KAZN: variants seen among roughly 807,000 people sequenced by gnomAD.
KAZN encodes kazrin, periplakin interacting protein.
KAZN carries 40 observed loss-of-function variants against 87.4 expected under a neutral mutation model. The observed-to-expected ratio is 0.46, with a 90% CI of 0.36 to 0.60. The LOEUF (loss-of-function observed/expected upper bound fraction) is 0.60. Ranked by LOEUF, KAZN falls within the 20% of genes least tolerant of loss-of-function variation. The pLI is 0.00. For synonymous variants in KAZN, 466 were observed against 458.3 expected, an observed-to-expected ratio of 1.02 and a Z score of -0.22; for missense variants, 898 against 1,073.9, an observed-to-expected ratio of 0.84 and a Z score of 2.29.
At chr1:14,759,344 C>T (rs574262780) in intron 1 of KAZN, among the ~76,000 whole-genome samples, 4 of 152,246 alleles carry the variant, frequency 2.6e-5, no homozygotes, top group Admixed American at 6.5e-5. Context: ...CCACTGTCCA[C>T]GGAAGGTTGT....
intron 1 of KAZN, among the ~76,000 whole-genome samples, chr1:14,829,611 G>T (rs962046372): frequency 2.6e-4 from 39 of 152,186 alleles, no homozygotes; most frequent in African/African-American, 8.7e-4. Context: ...CTTGTCCCTT[G>T]TCCTGTGTGC....
chr1:14,927,276 G>A (rs150911958), intron 1 of KAZN, among the ~76,000 whole-genome samples: 4 of 152,088 alleles, frequency 2.6e-5, no homozygotes, highest in African/African-American at 7.2e-5. Context: ...CCATTCATTC[G>A]GTCACATTTC....
chr1:14,041,227 C>T (rs577260931), intron 1 of KAZN, among the ~76,000 whole-genome samples: 63 of 152,312 alleles, frequency 4.1e-4, no homozygotes, highest in South Asian at 2.1e-3. Context: ...GACTTTCTTA[C>T]ACCCCTCTTT....
At chr1:14,824,187 G>A (rs1232852275) in intron 1 of KAZN, among the ~76,000 whole-genome samples, 1 of 152,046 alleles carries the variant, frequency 6.6e-6, no homozygotes, top group Non-Finnish European at 1.5e-5. Context: ...ATTCAGGCAG[G>A]GGTGCAGCGT....
intron 1 of KAZN, among the ~76,000 whole-genome samples, chr1:14,767,461 CT>C (rs1394322239): frequency 6.6e-6 from 1 of 152,166 alleles, no homozygotes; most frequent in East Asian, 1.9e-4. Context: ...TGCACCAAGC[CT>C]TTTTTTCCCA....
At chr1:14,064,471 C>T (rs1330862768) in intron 1 of KAZN, among the ~76,000 whole-genome samples, 1 of 152,180 alleles carries the variant, frequency 6.6e-6, no homozygotes, top group Non-Finnish European at 1.5e-5. Flanking sequence ...GAAGATGGAC[C>T]CCTGCTTGGA....
chr1:14,589,290 C>A (rs1278238780), intron 2 of KAZN, among the ~76,000 whole-genome samples: 1 of 148,192 alleles, frequency 6.7e-6, no homozygotes, highest in African/African-American at 2.5e-5. Context: ...AATATGATAT[C>A]GTAAATTGCT....
At chr1:14,978,330 G>A (rs1034690240) in intron 2 of KAZN, among the ~76,000 whole-genome samples, 3 of 152,206 alleles carry the variant, frequency 2.0e-5, no homozygotes, top group South Asian at 4.1e-4. Flanking sequence ...ACTGGGACCA[G>A]ATGAAGAGCA....
intron 14 of KAZN, 37 bp from the exon 15 acceptor site, chr1:15,114,434 T>C (rs1353505102): frequency 1.3e-6 from 2 of 1,537,902 alleles, no homozygotes; most frequent in Non-Finnish European, 1.8e-6. Context: ...CTTGTTTCTC[T>C]TCTTCCTGTC....
chr1:13,902,956 G>A (rs1639302092), intron 1 of KAZN, among the ~76,000 whole-genome samples: 1 of 152,162 alleles, frequency 6.6e-6, no homozygotes, highest in African/African-American at 2.4e-5. Context: ...CCATGATATG[G>A]CCATGGGTGA....
chr1:13,950,678 A>G (rs1641311798), intron 1 of KAZN, among the ~76,000 whole-genome samples: 1 of 152,126 alleles, frequency 6.6e-6, no homozygotes, highest in South Asian at 2.1e-4. Flanking sequence ...CAGGAGAGGG[A>G]AGGGCTGCCT....
At chr1:15,110,259 T>G (rs1557806580) in intron 13 of KAZN, among the ~76,000 whole-genome samples, 1 of 151,198 alleles carries the variant, frequency 6.6e-6, no homozygotes, top group African/African-American at 2.4e-5. Context: ...GTATGTGCAC[T>G]TGTGTGTGTA....
intron 2 of KAZN, among the ~76,000 whole-genome samples, chr1:14,191,966 G>A (rs919942356): frequency 5.3e-5 from 8 of 152,114 alleles, no homozygotes; most frequent in African/African-American, 1.9e-4. Flanking sequence ...TGTCTCATTG[G>A]CCACCAGCAT....
At chr1:14,834,202 A>G (rs1367390016) in intron 1 of KAZN, among the ~76,000 whole-genome samples, 1 of 151,552 alleles carries the variant, frequency 6.6e-6, no homozygotes, top group Non-Finnish European at 1.5e-5. Context: ...CGCCTGGCTA[A>G]TTTTTGTATT....
rs550187434 is a variant in KAZN at position 14,578,567 on chromosome 1, G to T, written c.250-20416G>T. 1.1e-4 allele frequency among the ~76,000 whole-genome samples: 16 copies of T among 152,234 alleles called. No homozygotes were observed. In the South Asian group the frequency reaches 3.3e-3, roughly 32 times the overall value. ...GGAAATATGTCCTTTTAGATTCTGG[G>T]TGATTATTTAATTGAAAAGGGAAGA... On this transcript the variant is annotated intron_variant, in intron 2 of 16. Transcript: ENST00000636203.
At chr1:14,668,838 C>T (rs1422848293) in intron 1 of KAZN, among the ~76,000 whole-genome samples, 1 of 152,242 alleles carries the variant, frequency 6.6e-6, no homozygotes, top group East Asian at 1.9e-4. Context: ...ATGAAGCCGG[C>T]TGCAGCTCAC....
intron 1 of KAZN, among the ~76,000 whole-genome samples, chr1:14,032,752 T>C (rs1045724552): frequency 6.6e-6 from 1 of 152,214 alleles, no homozygotes; most frequent in African/African-American, 2.4e-5. Context: ...AACTCCTGTG[T>C]GTTCTGACCC....
chr1:14,280,301 G>A (rs1652743983), intron 2 of KAZN, among the ~76,000 whole-genome samples: 2 of 149,626 alleles, frequency 1.3e-5, no homozygotes, highest in South Asian at 4.3e-4. Context: ...AACCCGGGAG[G>A]CGGAGGTTGC....
At chr1:14,302,874 T>C (rs1038348062) in intron 2 of KAZN, among the ~76,000 whole-genome samples, 1 of 152,194 alleles carries the variant, frequency 6.6e-6, no homozygotes, top group African/African-American at 2.4e-5. Context: ...ACGTGAGTTG[T>C]AAGAAGGATG....
Sources: gnomAD v4.1 joint callset for allele counts (sites outside exome capture counted in the v4.1 genomes callset) on GRCh38, gnomAD v4.1.1 for gene constraint, MANE v1.5 for transcripts, NCBI Gene and HGNC (gene_info 2026-07-23, HGNC 2026-07-21) for gene names.